RARB: variants seen among roughly 807,000 people sequenced by gnomAD.
RARB encodes HBV-activated protein.
RARB carries 17 observed loss-of-function variants against 51.9 expected under a neutral mutation model. The ratio of observed to expected loss-of-function variants is 0.33; its 90% CI spans 0.22 to 0.49. The LOEUF (loss-of-function observed/expected upper bound fraction) is 0.49. Ranked by LOEUF, RARB falls within the 20% of genes least tolerant of loss-of-function variation. The pLI is 0.99. For synonymous variants in RARB, 215 were observed against 195.4 expected (o/e 1.10, Z -0.84); for missense variants, 369 against 550.8 (o/e 0.67, Z 3.30).
chr3:25,585,497 G>T (rs189860606), intron 5 of RARB, among the ~76,000 whole-genome samples: 2 of 152,250 alleles, frequency 1.3e-5, no homozygotes, highest in South Asian at 4.1e-4. Context: ...TTCATTAAGT[G>T]CTGTATTTTT....
At chr3:25,132,104 A>G (rs1195271687) in intron 3 of RARB, among the ~76,000 whole-genome samples, 2 of 151,936 alleles carry the variant, frequency 1.3e-5, no homozygotes, top group Non-Finnish European at 2.9e-5. Flanking sequence ...AAAAGTTTAC[A>G]AGTGAAAAGA....
At chr3:24,960,634 G>A (rs545968741) in intron 2 of RARB, among the ~76,000 whole-genome samples, 186 of 152,234 alleles carry the variant, frequency 1.2e-3, no homozygotes, top group Middle Eastern at 3.4e-3. Context: ...TATTCCTTCT[G>A]ATTAAAACAA....
intron 2 of RARB, among the ~76,000 whole-genome samples, chr3:24,859,065 AAAAAG>A (rs1192431430): frequency 3.2e-4 from 48 of 151,824 alleles, no homozygotes; most frequent in African/African-American, 1.1e-3. Flanking sequence ...AAAGAAAAAA[AAAAAG>A]TTCCTTAATA....
At chr3:25,500,500 G>C (rs1297795) in intron 2 of RARB, among the ~76,000 whole-genome samples, 1 of 116,852 alleles carries the variant, frequency 8.6e-6, no homozygotes, top group Admixed American at 1.0e-4. Context: ...TTGTTGTTGA[G>C]ACAGAGTCTC....
intron 1 of RARB, among the ~76,000 whole-genome samples, chr3:25,432,907 G>T (rs2125517936): frequency 6.6e-6 from 1 of 152,290 alleles, no homozygotes; most frequent in South Asian, 2.1e-4. Context: ...CTCTGTTCAA[G>T]TCACACAGGA....
chr3:25,417,445 C>A (rs2014178), intron 5 of RARB, among the ~76,000 whole-genome samples: 127,533 of 152,084 alleles, frequency 0.84, 53,766 homozygotes, highest in East Asian at 1. Flanking sequence ...ACTGACTCCC[C>A]CCAAGGGACA....
chr3:25,471,239 G>A (rs949307351), intron 2 of RARB, among the ~76,000 whole-genome samples: 9 of 152,068 alleles, frequency 5.9e-5, no homozygotes, highest in Non-Finnish European at 1.3e-4. Context: ...AACCTTCATT[G>A]CAAAACGTAT....
chr3:25,272,085 A>G (rs1190354544), intron 5 of RARB, among the ~76,000 whole-genome samples: 1 of 152,262 alleles, frequency 6.6e-6, no homozygotes, highest in Non-Finnish European at 1.5e-5. Context: ...TTGAGTACTC[A>G]GCAGCCATGT....
intron 3 of RARB, among the ~76,000 whole-genome samples, chr3:25,105,909 G>A (rs1699490160): frequency 6.6e-6 from 1 of 152,162 alleles, no homozygotes; most frequent in African/African-American, 2.4e-5. Context: ...GTATAGAAAT[G>A]AAATGTAATC....
chr3:25,298,031 T>C (rs1703957600), intron 5 of RARB, among the ~76,000 whole-genome samples: 1 of 152,120 alleles, frequency 6.6e-6, no homozygotes, highest in Non-Finnish European at 1.5e-5. Flanking sequence ...GGACTTTCTT[T>C]TGTAATATAG....
intron 5 of RARB, among the ~76,000 whole-genome samples, chr3:25,410,295 G>A: frequency 6.6e-6 from 1 of 152,274 alleles, no homozygotes; most frequent in East Asian, 1.9e-4. Context: ...GGGCTTCTCA[G>A]GTGCTGCCTT....
At chr3:25,529,624 CTT>C (rs1393840648) in intron 3 of RARB, among the ~76,000 whole-genome samples, 1 of 152,094 alleles carries the variant, frequency 6.6e-6, no homozygotes, top group Non-Finnish European at 1.5e-5. Flanking sequence ...ACATGATATG[CTT>C]TGTCTTAAAA....
intron 2 of RARB, among the ~76,000 whole-genome samples, chr3:25,483,532 T>C (rs1432156198): frequency 1.3e-5 from 2 of 148,778 alleles, no homozygotes; most frequent in African/African-American, 2.5e-5. Context: ...TTCTTCTTTT[T>C]TTTTTTTTTT....
intron 3 of RARB, among the ~76,000 whole-genome samples, chr3:25,507,239 C>T (rs1474743708): frequency 1.6e-4 from 25 of 152,196 alleles, no homozygotes. Flanking sequence ...AAGCTTTGCT[C>T]GGTGAAGTTA....
At chr3:24,953,004 C>G (rs1695931383) in intron 2 of RARB, among the ~76,000 whole-genome samples, 1 of 151,962 alleles carries the variant, frequency 6.6e-6, no homozygotes. Flanking sequence ...CCTATTGAAA[C>G]TACTCATTGT....
chr3:25,096,820 C>T (rs1040874895), intron 3 of RARB, among the ~76,000 whole-genome samples: 2 of 152,048 alleles, frequency 1.3e-5, no homozygotes, highest in African/African-American at 4.8e-5. Context: ...ATGACATTGT[C>T]AAAGGAATAG....
intron 5 of RARB, among the ~76,000 whole-genome samples, chr3:25,219,316 G>C (rs941489711): frequency 1.3e-5 from 2 of 151,912 alleles, no homozygotes; most frequent in African/African-American, 4.8e-5. Flanking sequence ...GACTAAGGAA[G>C]TCTCAACCTA....
At chr3:25,568,290 G>A (rs1700576966) in intron 3 of RARB, among the ~76,000 whole-genome samples, 1 of 152,172 alleles carries the variant, frequency 6.6e-6, no homozygotes, top group Non-Finnish European at 1.5e-5. Flanking sequence ...ACGTGAACTT[G>A]AGCATATTTC....
In RARB at chr3:24,904,134, C is replaced by T. The variant is rs1386636769; in HGVS notation, c.-380+45382C>T. The stretch of plus-strand genomic sequence containing the variant: ...CATATTCTTCATTCTGGCTCTCACT[C>T]ACCAACCAGGGTCTACAGTTGAGCG... On this transcript the variant is annotated intron_variant, in intron 2 of 11. Coordinates refer to the RARB transcript ENST00000383772. 2.6e-5 allele frequency among the ~76,000 whole-genome samples: 4 copies of T among 152,312 alleles called. No individual in the cohort carries two copies. The East Asian group carries it at 5.8e-4, about 22-fold the overall frequency.
Sources: gnomAD v4.1 joint callset for allele counts (sites outside exome capture counted in the v4.1 genomes callset) on GRCh38, gnomAD v4.1.1 for gene constraint, MANE v1.5 for transcripts, NCBI Gene and HGNC (gene_info 2026-07-23, HGNC 2026-07-21) for gene names.